HSPA12A: variants seen among roughly 807,000 people sequenced by gnomAD.
HSPA12A encodes heat shock 70 kDa protein 12A.
In HSPA12A, 28 loss-of-function variants were observed where a neutral mutation model predicts 69.2. The observed-to-expected ratio is 0.40, with a 90% CI of 0.30 to 0.55. The LOEUF (loss-of-function observed/expected upper bound fraction) is 0.55, where lower values mean the gene tolerates loss of function less well. Ranked by LOEUF, HSPA12A falls within the 20% of genes least tolerant of loss-of-function variation. The pLI, the probability that HSPA12A is intolerant of heterozygous loss-of-function variation, is 0.38. For synonymous variants in HSPA12A, 345 were observed against 370.5 expected (o/e 0.93, Z 0.79); for missense variants, 686 against 900.7 (o/e 0.76, Z 3.05).
chr10:116,778,933 A>G (rs890998624), intron 2 of HSPA12A, among the ~76,000 whole-genome samples: 3 of 152,176 alleles, frequency 2.0e-5, no homozygotes, highest in Non-Finnish European at 4.4e-5. Flanking sequence ...ACCCTGTCTC[A>G]AAACAACAAC....
chr10:116,792,819 A>C (rs1844730024), intron 2 of HSPA12A, among the ~76,000 whole-genome samples: 1 of 151,460 alleles, frequency 6.6e-6, no homozygotes, highest in South Asian at 2.1e-4. Context: ...AAGAAAAAGA[A>C]AGAAAGAAAG....
At chr10:116,740,687 T>C (rs1312737056) in intron 1 of HSPA12A, among the ~76,000 whole-genome samples, 2 of 134,666 alleles carry the variant, frequency 1.5e-5, no homozygotes, top group African/African-American at 6.2e-5. Context: ...TGTGTGTGTG[T>C]GTGTGTGTGC....
intron 1 of HSPA12A, among the ~76,000 whole-genome samples, chr10:116,727,120 G>C (rs548451494): frequency 6.6e-6 from 1 of 152,282 alleles, no homozygotes; most frequent in East Asian, 1.9e-4. Flanking sequence ...AAGAAAAATA[G>C]GACTATATCA....
chr10:116,725,022 A>G (rs1554884815), intron 1 of HSPA12A, among the ~76,000 whole-genome samples: 1 of 152,184 alleles, frequency 6.6e-6, no homozygotes, highest in African/African-American at 2.4e-5. Flanking sequence ...GGAGGTGTTG[A>G]GACCTGCCCA....
intron 2 of HSPA12A, among the ~76,000 whole-genome samples, chr10:116,786,073 C>T (rs922240274): frequency 7.2e-5 from 11 of 152,158 alleles, no homozygotes; most frequent in African/African-American, 2.7e-4. Flanking sequence ...TGAGGTTCAC[C>T]TATGAGGTTA....
At chr10:116,764,046 G>C (rs1844027709) in intron 2 of HSPA12A, among the ~76,000 whole-genome samples, 1 of 152,108 alleles carries the variant, frequency 6.6e-6, no homozygotes, top group Non-Finnish European at 1.5e-5. Context: ...GTTAATGTCA[G>C]GATTTATCCA....
At chr10:116,812,406 T>C (rs140683467) in intron 2 of HSPA12A, among the ~76,000 whole-genome samples, 7 of 151,814 alleles carry the variant, frequency 4.6e-5, no homozygotes, top group East Asian at 1.9e-4. Context: ...CGAGTCGAAA[T>C]TGCAGCATTG....
intron 5 of HSPA12A, among the ~76,000 whole-genome samples, chr10:116,697,613 T>C (rs1336850649): frequency 6.6e-6 from 1 of 152,224 alleles, no homozygotes; most frequent in Non-Finnish European, 1.5e-5. Flanking sequence ...AAGTGGATCT[T>C]GGAAAGATTA....
At chr10:116,742,661 C>T (rs1423187162), upstream of HSPA12A, 3 of 953,048 alleles carry the variant, frequency 3.1e-6, no homozygotes, top group East Asian at 3.1e-4. Flanking sequence ...GGCGCCCCGC[C>T]CCTCCGAGCT....
At chr10:116,748,934 C>A (rs1432105227) in intron 2 of HSPA12A, among the ~76,000 whole-genome samples, 1 of 152,074 alleles carries the variant, frequency 6.6e-6, no homozygotes, top group African/African-American at 2.4e-5. Context: ...GAGCTGGGAC[C>A]AGTCACTTGT....
chr10:116,736,268 A>G (rs954377074), intron 1 of HSPA12A, among the ~76,000 whole-genome samples: 1 of 152,102 alleles, frequency 6.6e-6, no homozygotes, highest in African/African-American at 2.4e-5. Context: ...GTTGATCCAC[A>G]ATCCAAACTC....
intron 2 of HSPA12A, chr10:116,750,511 C>T (rs1032728868): frequency 1.3e-5 from 6 of 458,366 alleles, no homozygotes; most frequent in Non-Finnish European, 2.5e-5. Flanking sequence ...GTCAGAATGT[C>T]GTGGATTATA....
Position 116,723,950 on chromosome 10 carries a change from TC to T in HSPA12A, c.41-16666del, listed in dbSNP as rs1554884710. Among the ~76,000 whole-genome samples, 2 of 152,206 alleles carry T rather than the reference TC, an allele frequency of 1.3e-5. No homozygotes were observed. Among genetic ancestry groups the T allele is most frequent in the Non-Finnish European group, 2.9e-5 (2 of 68,036 alleles). On this transcript the variant is annotated intron_variant, in intron 1 of 11. Coordinates refer to ENST00000369209, the MANE Select transcript of HSPA12A (RefSeq NM_025015.3). The surrounding 1 kb of genome is among the most constrained non-coding windows in gnomAD (Gnocchi z 4.1). ...ACCTGTACCCAGGCATAGACAGCAC[TC>T]TGCTGAGCCATCCATGGCTGCATGG...
chr10:116,715,450 T>C (rs1554883682), intron 1 of HSPA12A, among the ~76,000 whole-genome samples: 3 of 152,316 alleles, frequency 2.0e-5, no homozygotes, highest in East Asian at 1.9e-4. Flanking sequence ...TACAGTTACA[T>C]AATTTTTAAA....
At chr10:116,801,064 T>C (rs1033634535) in intron 2 of HSPA12A, among the ~76,000 whole-genome samples, 16 of 152,206 alleles carry the variant, frequency 1.1e-4, no homozygotes, top group African/African-American at 3.6e-4. Flanking sequence ...AAATGAGCTA[T>C]GTGTTAAAGT....
chr10:116,691,258 G>T (rs1466346220), intron 6 of HSPA12A, among the ~76,000 whole-genome samples: 2 of 152,264 alleles, frequency 1.3e-5, no homozygotes, highest in East Asian at 1.9e-4. Context: ...GCCCTTGACT[G>T]CACGCAAGTT....
At chr10:116,693,417 C>A (rs1020779828) in intron 5 of HSPA12A, among the ~76,000 whole-genome samples, 23 of 152,144 alleles carry the variant, frequency 1.5e-4, no homozygotes, top group African/African-American at 5.1e-4. Context: ...CAATGGAGAT[C>A]ATAAAACTAA....
chr10:116,728,125 T>C (rs1554885282), intron 1 of HSPA12A, among the ~76,000 whole-genome samples: 1 of 151,982 alleles, frequency 6.6e-6, no homozygotes, highest in African/African-American at 2.4e-5. Flanking sequence ...GTATTTTTAG[T>C]AGAGACAGGA....
At chr10:116,705,429 A>T in intron 2 of HSPA12A, 151 bp from the exon 3 acceptor site, 1 of 963,192 alleles carries the variant, frequency 1.0e-6, no homozygotes, top group Admixed American at 1.9e-5. Context: ...ACCTGGGGAG[A>T]AGGCAGCCCA....
Sources: allele counts gnomAD v4.1 joint callset (sites outside exome capture counted in the v4.1 genomes callset), GRCh38; gene constraint gnomAD v4.1.1; non-coding constraint Gnocchi (gnomAD v3.1); transcripts MANE v1.5; gene names NCBI Gene and HGNC (gene_info 2026-07-23, HGNC 2026-07-21).